KDM4C: variants seen among roughly 807,000 people sequenced by gnomAD.
The protein encoded by KDM4C is lysine demethylase 4C.
A neutral mutation model predicts 129.3 loss-of-function variants in KDM4C; 81 were observed. The ratio of observed to expected loss-of-function variants is 0.63; its 90% CI spans 0.52 to 0.75. The LOEUF (loss-of-function observed/expected upper bound fraction) is 0.75, where lower values mean the gene tolerates loss of function less well. Ranked by LOEUF, KDM4C falls within the 30% of genes least tolerant of loss-of-function variation. KDM4C has a pLI of 0.00. For synonymous variants in KDM4C, 573 were observed against 456.1 expected, an observed-to-expected ratio of 1.26 and a Z score of -3.26; for missense variants, 1,457 against 1,304.0, an observed-to-expected ratio of 1.12 and a Z score of -1.81.
At chr9:7,172,787 T>G (rs543451712) in intron 21 of KDM4C, among the ~76,000 whole-genome samples, 1 of 152,226 alleles carries the variant, frequency 6.6e-6, no homozygotes, top group African/African-American at 2.4e-5. Context: ...CCGTGTGTTT[T>G]CAAGTCCTAA....
chr9:6,982,624 C>T (rs1816964099), intron 9 of KDM4C: 1 of 152,148 alleles, frequency 6.6e-6, no homozygotes. Flanking sequence ...TGTGTTAATT[C>T]ACAGCACTAA....
At chr9:6,760,424 G>A (rs1385309706) in intron 1 of KDM4C, among the ~76,000 whole-genome samples, 5 of 144,390 alleles carry the variant, frequency 3.5e-5, no homozygotes, top group East Asian at 2.1e-4. Flanking sequence ...TTGTGTGGAC[G>A]CGTGTTTTCT....
At chr9:6,732,995 A>G (rs1028277685) in intron 1 of KDM4C, among the ~76,000 whole-genome samples, 44 of 151,954 alleles carry the variant, frequency 2.9e-4, no homozygotes, top group African/African-American at 1.0e-3. Context: ...CCTGGGTGAC[A>G]GGGCAAGACT....
In KDM4C at chr9:7,115,918, G is replaced by A. The variant is rs1327351195; in HGVS notation, c.2610+12048G>A. On this transcript the variant is annotated intron_variant, in intron 18 of 21. Transcript: ENST00000381309. ...ACGTCTTTTCTTTCCAGGGAAAATG[G>A]GTAGTTTCTTCACCATTGCCAGTCA... 3.9e-5 allele frequency among the ~76,000 whole-genome samples: 6 copies of A among 152,160 alleles called. No individual in the cohort carries two copies. The East Asian group carries it at 9.6e-4, about 24-fold the overall frequency.
chr9:7,094,548 A>C (rs1836190037), intron 17 of KDM4C, among the ~76,000 whole-genome samples: 1 of 152,144 alleles, frequency 6.6e-6, no homozygotes, highest in South Asian at 2.1e-4. Flanking sequence ...CATCTGAGAT[A>C]CTTACGTAGG....
chr9:7,105,456 TCTG>T (rs757101030), intron 18 of KDM4C: 50 of 468,962 alleles, frequency 1.1e-4, no homozygotes, highest in Non-Finnish European at 1.4e-4. Flanking sequence ...TACTACTACT[TCTG>T]CTGCTGCTGC....
At chr9:6,862,032 A>T (rs530419912) in intron 5 of KDM4C, among the ~76,000 whole-genome samples, 48 of 152,230 alleles carry the variant, frequency 3.2e-4, no homozygotes, top group Non-Finnish European at 1.5e-5. Flanking sequence ...TTGGCCTCCC[A>T]AAGTGCTGGG....
intron 15 of KDM4C, among the ~76,000 whole-genome samples, chr9:7,032,206 A>G (rs947373464): frequency 6.6e-6 from 1 of 152,226 alleles, no homozygotes. Flanking sequence ...ATTCCTGTAG[A>G]TGGAGGCACA....
rs528620000 is a variant in KDM4C, at chr9:6,848,821, T to G, written c.436-686T>G. Among the ~76,000 whole-genome samples the G allele has an allele frequency of 2.0e-5, 3 of 152,368 alleles. No individual in the cohort carries two copies. The South Asian group carries it at 6.2e-4, about 32-fold the overall frequency. Reference sequence around the variant, plus strand: ...TAAAACTACATTATTCCAGCAGTTTTACCAAAGTTGGGATAAGTATTTTTA... The same window carrying G: ...TAAAACTACATTATTCCAGCAGTTTGACCAAAGTTGGGATAAGTATTTTTA... On this transcript the variant is annotated intron_variant, in intron 4 of 21. Coordinates refer to ENST00000381309, the MANE Select transcript of KDM4C (RefSeq NM_015061.6).
In KDM4C at chr9:7,072,481, A is replaced by T. The variant is rs573024801; in HGVS notation, c.2424+23281A>T. Among the ~76,000 whole-genome samples, 4 of 152,354 alleles carry T rather than the reference A, an allele frequency of 2.6e-5. No homozygotes were observed. The East Asian group carries it at 7.7e-4, about 29-fold the overall frequency. ...CTAGAGATTTCATCAACCATGGATG[A>T]ATCTCAGATTCATTACCCTAAGTGA... On this transcript the variant is annotated intron_variant, in intron 17 of 21. Coordinates refer to ENST00000381309, the MANE Select transcript of KDM4C (RefSeq NM_015061.6).
intron 5 of KDM4C, among the ~76,000 whole-genome samples, chr9:6,870,808 C>G (rs924238538): frequency 6.9e-6 from 1 of 144,538 alleles, no homozygotes; most frequent in African/African-American, 2.4e-5. Context: ...GAGGAAATGA[C>G]TACTTCACAC....
At position 7,060,290 on chromosome 9, in the gene KDM4C, G is replaced by T. The variant is rs115922046; in HGVS notation, c.2424+11090G>T. On this transcript the variant is annotated intron_variant, in intron 17 of 21. Transcript: ENST00000381309. ...GAGGGACAGCTATTGCATACTGTCTGTGTACCTTGTTACATATTTGAGTTT... is the reference window on the plus strand; with the variant it reads ...GAGGGACAGCTATTGCATACTGTCTTTGTACCTTGTTACATATTTGAGTTT... Among the ~76,000 whole-genome samples, 787 of 150,858 alleles carry T rather than the reference G, an allele frequency of 5.2e-3. 6 individuals carry two copies. Among genetic ancestry groups the T allele is most frequent in the African/African-American group, 0.018 (754 of 41,168 alleles).
intron 8 of KDM4C, among the ~76,000 whole-genome samples, chr9:6,941,065 G>C (rs931615372): frequency 6.7e-6 from 1 of 149,512 alleles, no homozygotes; most frequent in Non-Finnish European, 1.5e-5. Context: ...AAGTCTTGCC[G>C]TGTCATCCAG....
chr9:6,834,776 G>A (rs1835557089), intron 4 of KDM4C: 1 of 1,234,946 alleles, frequency 8.1e-7, no homozygotes, highest in African/African-American at 1.5e-5. Context: ...GCTGACCGAG[G>A]CCCCCCTGAA....
intron 8 of KDM4C, among the ~76,000 whole-genome samples, chr9:6,919,454 G>A (rs926935962): frequency 2.7e-5 from 4 of 149,454 alleles, no homozygotes; most frequent in African/African-American, 9.9e-5. Flanking sequence ...CATCTTACCT[G>A]CTATCCCTTT....
chr9:6,977,189 C>A, intron 8 of KDM4C, among the ~76,000 whole-genome samples: 1 of 152,238 alleles, frequency 6.6e-6, no homozygotes, highest in Non-Finnish European at 1.5e-5. Context: ...AGTTTGCCAT[C>A]GGCTCCTCCC....
intron 8 of KDM4C, among the ~76,000 whole-genome samples, chr9:6,974,440 ACCTAC>A (rs1352452350): frequency 3.3e-5 from 5 of 152,180 alleles, no homozygotes; most frequent in African/African-American, 7.2e-5. Flanking sequence ...GCTCACTGCA[ACCTAC>A]GCCTCTTGGG....
chr9:6,956,463 G>T (rs1171491607), intron 8 of KDM4C, among the ~76,000 whole-genome samples: 2 of 152,124 alleles, frequency 1.3e-5, no homozygotes, highest in African/African-American at 4.8e-5. Context: ...GGTGTTTGTT[G>T]CCCACTAAAA....
chr9:6,766,027 G>A (rs1319400296), intron 1 of KDM4C, among the ~76,000 whole-genome samples: 1 of 152,136 alleles, frequency 6.6e-6, no homozygotes, highest in Non-Finnish European at 1.5e-5. Flanking sequence ...GACCTCAGGT[G>A]ATCCGCCCAC....
Sources: gnomAD v4.1 joint callset for allele counts (sites outside exome capture counted in the v4.1 genomes callset) on GRCh38, gnomAD v4.1.1 for gene constraint, MANE v1.5 for transcripts, NCBI Gene and HGNC (gene_info 2026-07-23, HGNC 2026-07-21) for gene names.